SLC38A6: variants seen among roughly 807,000 people sequenced by gnomAD.
The protein encoded by SLC38A6 is N system amino acid transporter NAT-1.
SLC38A6 carries 73 observed loss-of-function variants against 65.0 expected under a neutral mutation model. That is an observed-to-expected ratio of 1.12 (90% CI 0.93 to 1.37). The LOEUF is 1.37. SLC38A6 is among the 40% of genes most tolerant of loss of function. The pLI, the probability that SLC38A6 is intolerant of heterozygous loss-of-function variation, is 0.00. For missense variants in SLC38A6, 561 were observed against 531.1 expected (o/e 1.06, Z -0.55); for synonymous variants, 183 against 178.8 (o/e 1.02, Z -0.19).
intron 15 of SLC38A6, among the ~76,000 whole-genome samples, chr14:61,061,826 TTTTTG>T (rs539694591): frequency 4.6e-5 from 7 of 150,910 alleles, no homozygotes; most frequent in East Asian, 2.0e-4. Flanking sequence ...TGTGCAGGTT[TTTTTG>T]TTTTGTTTTG....
chr14:61,083,216 G>A (rs536237475), intron 16 of SLC38A6, among the ~76,000 whole-genome samples: 32 of 152,310 alleles, frequency 2.1e-4, no homozygotes, highest in Middle Eastern at 3.4e-3. Context: ...AGGAAAGTGA[G>A]GTCAAGGTGT....
intron 2 of SLC38A6, 120 bp from the exon 3 acceptor site, chr14:60,984,610 T>C (rs2037315639): frequency 5.7e-6 from 4 of 695,680 alleles, no homozygotes; most frequent in Non-Finnish European, 1.0e-5. Flanking sequence ...AACATAATTC[T>C]GCTACTCAGA....
intron 5 of SLC38A6, among the ~76,000 whole-genome samples, chr14:61,020,417 G>C (rs2040283637): frequency 1.3e-5 from 2 of 152,092 alleles, no homozygotes; most frequent in Admixed American, 6.6e-5. Context: ...TTAATTCAAA[G>C]ATGACAGTTT....
chr14:61,044,432 A>G (rs1695494539), intron 10 of SLC38A6, among the ~76,000 whole-genome samples: 1 of 152,220 alleles, frequency 6.6e-6, no homozygotes, highest in Admixed American at 6.5e-5. Context: ...ACTGAGCAAT[A>G]TATGAAATGG....
downstream of SLC38A6, among the ~76,000 whole-genome samples, chr14:61,054,925 C>G (rs1023627796): frequency 6.6e-5 from 10 of 152,016 alleles, no homozygotes; most frequent in African/African-American, 2.2e-4. Context: ...AGAGGGTATC[C>G]TCGTCTTAAC....
chr14:61,065,218 T>G (rs1420997484), intron 15 of SLC38A6, among the ~76,000 whole-genome samples: 1 of 152,174 alleles, frequency 6.6e-6, no homozygotes, highest in East Asian at 1.9e-4. Context: ...TTCTCTGCTA[T>G]CCAGCAATTC....
chr14:60,981,418 C>T (rs374320740), intron 1 of SLC38A6, 36 bp downstream of exon 1: 45 of 1,555,718 alleles, frequency 2.9e-5, no homozygotes, highest in Admixed American at 1.6e-4. Flanking sequence ...GCGCTGACGC[C>T]CTCCGGCTTC....
chr14:60,982,312 C>T, intron 1 of SLC38A6, 196 bp from the exon 2 acceptor site: 1 of 674,286 alleles, frequency 1.5e-6, no homozygotes, highest in Non-Finnish European at 2.7e-6. Context: ...CTAAGAAACC[C>T]TAGATTCCTG....
intron 6 of SLC38A6, among the ~76,000 whole-genome samples, chr14:61,035,861 T>C (rs981535891): frequency 5.9e-5 from 9 of 152,204 alleles, no homozygotes; most frequent in Non-Finnish European, 1.2e-4. Flanking sequence ...ATATTGCTCA[T>C]ATTGCTATCA....
chr14:61,075,148 T>C (rs1234404733), intron 15 of SLC38A6, among the ~76,000 whole-genome samples: 1 of 152,086 alleles, frequency 6.6e-6, no homozygotes, highest in Admixed American at 6.5e-5. Flanking sequence ...AACCCAGTGG[T>C]GGGAGTCTAG....
Position 60,982,653 on chromosome 14 carries a change from T to G in SLC38A6, c.236+15T>G, listed in dbSNP as rs1049588216. The stretch of plus-strand genomic sequence containing the variant: ...TTTGGATTTAGGTGAGTCTTCATAT[T>G]TTAGCATCAAATTTTTTTTTCCATT... On this transcript the variant is annotated intron_variant, in intron 2 of 15. Transcript: ENST00000267488. 3 of 1,590,784 alleles carry G rather than the reference T, an allele frequency of 1.9e-6. No homozygotes were observed. The African/African-American group carries it at 4.1e-5, about 22-fold the overall frequency.
At chr14:61,061,805 C>CTA (rs1462728138) in intron 15 of SLC38A6, among the ~76,000 whole-genome samples, 3 of 144,476 alleles carry the variant, frequency 2.1e-5, no homozygotes, top group Non-Finnish European at 4.5e-5. Flanking sequence ...TAAAGCTGCT[C>CTA]TAAGCATTCG....
intron 4 of SLC38A6, among the ~76,000 whole-genome samples, chr14:61,016,710 A>G (rs916831878): frequency 2.0e-5 from 3 of 152,310 alleles, no homozygotes; most frequent in African/African-American, 7.2e-5. Flanking sequence ...TCTAAAATTC[A>G]TATTCATTTT....
chr14:61,029,309 A>G (rs1478610687), intron 5 of SLC38A6, among the ~76,000 whole-genome samples: 1 of 152,046 alleles, frequency 6.6e-6, no homozygotes, highest in African/African-American at 2.4e-5. Flanking sequence ...GGCAACTGCC[A>G]CCACGCCTGG....
rs550303617 is a variant in SLC38A6 at position 60,992,486 on chromosome 14, A to C, written c.310+7683A>C. Reference sequence around the variant, plus strand: ...CGCCATAACCCCTCCCCAGGATTACAGTAGAGTTAAATCATAACAGGTATT... The same window carrying C: ...CGCCATAACCCCTCCCCAGGATTACCGTAGAGTTAAATCATAACAGGTATT... On this transcript the variant is annotated intron_variant, in intron 3 of 15. Transcript: ENST00000267488. Among the ~76,000 whole-genome samples, 3 of 152,192 alleles carry C rather than the reference A, an allele frequency of 2.0e-5. No individual in the cohort carries two copies. The South Asian group carries it at 6.2e-4, about 32-fold the overall frequency.
chr14:61,028,436 T>G (rs891006391), intron 5 of SLC38A6, among the ~76,000 whole-genome samples: 3 of 152,156 alleles, frequency 2.0e-5, no homozygotes, highest in African/African-American at 7.2e-5. Context: ...AGTTCACAAT[T>G]TTTATCTTTG....
intron 8 of SLC38A6, among the ~76,000 whole-genome samples, chr14:61,038,940 A>G (rs766378591): frequency 6.6e-6 from 1 of 152,206 alleles, no homozygotes; most frequent in Admixed American, 6.5e-5. Context: ...TATTTCCATC[A>G]TCATTTGATT....
At chr14:61,066,106 C>A (rs1160143378) in intron 15 of SLC38A6, among the ~76,000 whole-genome samples, 2 of 152,016 alleles carry the variant, frequency 1.3e-5, no homozygotes, top group African/African-American at 4.8e-5. Context: ...TAATTTTTGA[C>A]CTTAGAACAT....
Position 61,052,595 on chromosome 14 carries a change from A to C in SLC38A6, c.*166A>C. The C allele has an allele frequency of 1.1e-6, 1 of 933,556 alleles. No homozygotes were observed. The highest frequency in any genetic ancestry group is 1.4e-6 in the Non-Finnish European group (1 of 705,138). The allele number at this position is 933,556 out of a possible 1,614,324, so 57.8% of individuals were successfully genotyped here. A position where few individuals can be genotyped will look rare whatever the true frequency, so the allele number is the denominator to read the frequency against. On this transcript the variant is annotated 3_prime_UTR_variant, in exon 16 of 16. Coordinates refer to ENST00000267488, the MANE Select transcript of SLC38A6 (RefSeq NM_153811.3). ...GGGGAAGTAAGAGTGTGGCAGTTTT[A>C]ATCAAAAAAAGAAACAAACTCGAAA...
Sources: gnomAD v4.1 joint callset for allele counts (sites outside exome capture counted in the v4.1 genomes callset) on GRCh38, gnomAD v4.1.1 for gene constraint, MANE v1.5 for transcripts, NCBI Gene and HGNC (gene_info 2026-07-23, HGNC 2026-07-21) for gene names.